Variants in SH3PXD2B observed in about 807,000 individuals in gnomAD.
The protein encoded by SH3PXD2B is SH3 and PX domains 2B, also known as SH3 and PX domain-containing protein 2B.
In SH3PXD2B, 37 loss-of-function variants were observed where a neutral mutation model predicts 73.1. The ratio of observed to expected loss-of-function variants is 0.51; its 90% CI spans 0.39 to 0.67. The LOEUF (loss-of-function observed/expected upper bound fraction) is 0.67, where lower values mean the gene tolerates loss of function less well. Ranked by LOEUF, SH3PXD2B falls within the 30% of genes least tolerant of loss-of-function variation. The pLI is 0.00. For missense variants in SH3PXD2B, 1,053 were observed against 1,197.8 expected (o/e 0.88, Z 1.78); for synonymous variants, 457 against 480.5 (o/e 0.95, Z 0.64).
intron 6 of SH3PXD2B, among the ~76,000 whole-genome samples, chr5:172,368,578 AT>A (rs1757607841): frequency 6.4e-5 from 1 of 15,744 alleles, no homozygotes; most frequent in African/African-American, 5.6e-4. Flanking sequence ...AATATGTTAT[AT>A]ATATATATAA....
At chr5:172,427,972 T>G (rs1340109679) in intron 1 of SH3PXD2B, among the ~76,000 whole-genome samples, 1 of 151,942 alleles carries the variant, frequency 6.6e-6, no homozygotes, top group Non-Finnish European at 1.5e-5. Context: ...GAGACGGGGT[T>G]TCACTATCTT....
At chr5:172,408,261 C>A (rs745830797) in intron 2 of SH3PXD2B, among the ~76,000 whole-genome samples, 3 of 148,722 alleles carry the variant, frequency 2.0e-5, no homozygotes, top group Non-Finnish European at 3.0e-5. Flanking sequence ...TATTCTTTTT[C>A]TGTTCTCAAT....
Position 172,339,177 on chromosome 5 carries a change from C to T in SH3PXD2B, c.1928G>A (p.Arg643Lys). Residue 643 changes from arginine (R) to lysine (K), a missense_variant, in exon 13 of 13, where the codon AGG becomes AAG. Arg to Lys is a conservative substitution (Grantham distance 26). This residue lies in a region of SH3PXD2B where 587 missense variants were observed against 590.7 expected (regional missense o/e 0.99). Coordinates refer to ENST00000311601, the MANE Select transcript of SH3PXD2B (RefSeq NM_001017995.3). The surrounding 1 kb of genome is among the most constrained non-coding windows in gnomAD (Gnocchi z 6.1). The stretch of plus-strand genomic sequence containing the variant: ...TTTGGGGGAAGGAGCTGGTTTTGGC[C>T]TAACCTGAGGTCTGGACTTCAAGAA... ...NPFLKSRPQVRPKPAPSPKTE... is the reference protein window; with the variant it reads ...NPFLKSRPQVKPKPAPSPKTE... 1 of 1,614,222 alleles carries T rather than the reference C, an allele frequency of 6.2e-7. No individual in the cohort carries two copies. The highest frequency in any genetic ancestry group is 8.5e-7 in the Non-Finnish European group (1 of 1,180,036).
At position 172,402,211 on chromosome 5, in the gene SH3PXD2B, C is replaced by T. The variant is rs553922309; in HGVS notation, c.232+4066G>A. 5.3e-5 allele frequency among the ~76,000 whole-genome samples: 8 copies of T among 152,262 alleles called. No individual in the cohort carries two copies. The East Asian group carries it at 1.3e-3, about 26-fold the overall frequency. On this transcript the variant is annotated intron_variant, in intron 3 of 12. Transcript: ENST00000311601. ...GGTTGTATGTAAGGGATGAAATAAG[C>T]CCCAGTCTCCTGTAGCACTCCCAGG...
At chr5:172,400,081 A>G (rs1367033448) in intron 3 of SH3PXD2B, among the ~76,000 whole-genome samples, 1 of 152,192 alleles carries the variant, frequency 6.6e-6, no homozygotes, top group Non-Finnish European at 1.5e-5. Flanking sequence ...AGTCTGGGCT[A>G]CTTATCTTCC....
At chr5:172,374,656 G>C (rs1349305920) in intron 5 of SH3PXD2B, among the ~76,000 whole-genome samples, 1 of 152,216 alleles carries the variant, frequency 6.6e-6, no homozygotes, top group East Asian at 1.9e-4. Flanking sequence ...ACTCTAGCCT[G>C]GGTGACAGAG....
rs768244453 is a variant in SH3PXD2B, at chr5:172,339,218, G to A, written c.1887C>T (p.Ala629=). 3.4e-5 allele frequency: 55 copies of A among 1,614,126 alleles called. No homozygotes were observed. The highest frequency in any genetic ancestry group is 4.6e-5 in the Non-Finnish European group (54 of 1,180,054). ...ACTTCAAGAAGGGATTCTGGGGAGTGGCATCTGGCTTCTCCTCTGGCAGGT... is the reference window on the plus strand; with the variant it reads ...ACTTCAAGAAGGGATTCTGGGGAGTAGCATCTGGCTTCTCCTCTGGCAGGT... ...KTDLPEEKPD[A]TPQNPFLKSR... The change falls in exon 13 of 13, where the codon GCC becomes GCT. Residue 629 remains alanine (A), a synonymous_variant. Transcript: ENST00000311601. This position sits in a 1 kb window ranked among gnomAD's most constrained non-coding sequence, Gnocchi z 6.1.
At chr5:172,351,852 T>C (rs1326779920) in intron 9 of SH3PXD2B, among the ~76,000 whole-genome samples, 3 of 152,136 alleles carry the variant, frequency 2.0e-5, no homozygotes, top group Admixed American at 1.3e-4. Flanking sequence ...TGTCTATCAA[T>C]CTTAAAATAT....
intron 2 of SH3PXD2B, among the ~76,000 whole-genome samples, chr5:172,420,658 C>T (rs1444384910): frequency 6.6e-6 from 1 of 152,200 alleles, no homozygotes; most frequent in African/African-American, 2.4e-5. Flanking sequence ...AGTCTCCACC[C>T]TTATTGACTT....
intron 7 of SH3PXD2B, among the ~76,000 whole-genome samples, chr5:172,361,920 T>C (rs1016338318): frequency 1.6e-4 from 25 of 152,274 alleles, no homozygotes; most frequent in African/African-American, 4.8e-4. Context: ...CCACTAATGA[T>C]AGGATTAGCT....
In SH3PXD2B at chr5:172,350,462, G is replaced by A. The variant is rs1156856878; in HGVS notation, c.913C>T (p.Arg305Trp). The change falls in exon 10 of 13, where the codon CGG (arginine) becomes TGG (tryptophan). Residue 305 changes from arginine (R) to tryptophan (W), a missense_variant. By Grantham distance (101) the Arg-to-Trp change is moderately radical. Around this residue, in one of 2 missense-constraint regions of SH3PXD2B, gnomAD observed 466 missense variants for 607.1 expected, o/e 0.77. Coordinates refer to ENST00000311601, the MANE Select transcript of SH3PXD2B (RefSeq NM_001017995.3). ...TCCCTGCCCACCGCGTTCTGCTGCC[G>A]GGAAACACCATCCAAGTCAAGGGCA... ...PGALDLDGVS[R>W]QQNAVGREKE... 23 of 1,613,986 alleles carry A rather than the reference G, an allele frequency of 1.4e-5. No individual in the cohort carries two copies. The highest frequency in any genetic ancestry group is 3.3e-5 in the South Asian group (3 of 91,090).
chr5:172,349,698 A>G (rs1757115217), intron 10 of SH3PXD2B, among the ~76,000 whole-genome samples: 1 of 152,168 alleles, frequency 6.6e-6, no homozygotes, highest in African/African-American at 2.4e-5. Context: ...AAACAGAAAA[A>G]GTAGTAATTC....
rs759595183 is a variant in SH3PXD2B at position 172,339,095 on chromosome 5, G to C, written c.2010C>G (p.Leu670=). 3.1e-6 allele frequency: 5 copies of C among 1,614,130 alleles called. No individual in the cohort carries two copies. The highest frequency in any genetic ancestry group is 2.7e-5 in the African/African-American group (2 of 74,952). The part of the protein sequence containing the change: ...QVDICNLRSK[L]RPAKSQDKSL... ...ACTTGTCTTGGGACTTGGCAGGCCT[G>C]AGCTTACTCCTGAGGTTGCAGATGT... The change falls in exon 13 of 13, where the codon CTC becomes CTG. Residue 670 remains leucine, a synonymous_variant. Transcript: ENST00000311601. The surrounding 1 kb of genome is among the most constrained non-coding windows in gnomAD (Gnocchi z 6.1).
intron 6 of SH3PXD2B, 36 bp downstream of exon 6, chr5:172,373,754 A>C: frequency 6.2e-7 from 1 of 1,604,092 alleles, no homozygotes; most frequent in Non-Finnish European, 8.5e-7. Flanking sequence ...TTTGCCGAAA[A>C]CTGAACGAAG....
chr5:172,375,888 G>A (rs1255795330), intron 5 of SH3PXD2B, among the ~76,000 whole-genome samples: 9 of 152,124 alleles, frequency 5.9e-5, no homozygotes, highest in Admixed American at 5.9e-4. Context: ...GGAATTGCTA[G>A]GTCATATGGT....
intron 6 of SH3PXD2B, among the ~76,000 whole-genome samples, chr5:172,367,729 T>C (rs989898497): frequency 1.6e-4 from 25 of 152,156 alleles, no homozygotes; most frequent in Non-Finnish European, 1.2e-4. Context: ...AGTGTGGAAT[T>C]GTGCACATGT....
intron 1 of SH3PXD2B, among the ~76,000 whole-genome samples, chr5:172,432,683 G>A (rs545668829): frequency 4.3e-4 from 66 of 152,250 alleles, no homozygotes; most frequent in Admixed American, 1.5e-3. Flanking sequence ...TTGGCAGGCC[G>A]AGGCAGATGG....
intron 1 of SH3PXD2B, among the ~76,000 whole-genome samples, chr5:172,431,744 T>A (rs1759248636): frequency 6.6e-6 from 1 of 152,166 alleles, no homozygotes; most frequent in Admixed American, 6.5e-5. Flanking sequence ...TTCTGTAAAG[T>A]CACTGAGAAC....
At chr5:172,354,548 A>C (rs1358380050) in intron 8 of SH3PXD2B, among the ~76,000 whole-genome samples, 1 of 152,178 alleles carries the variant, frequency 6.6e-6, no homozygotes, top group Non-Finnish European at 1.5e-5. Context: ...CAAGACCTGA[A>C]GGCTGGGTGG....
Sources: gnomAD v4.1 joint callset for allele counts (sites outside exome capture counted in the v4.1 genomes callset) on GRCh38, gnomAD v4.1.1 for gene constraint, gnomAD v4.1.1 regional missense constraint, Gnocchi (gnomAD v3.1) non-coding constraint, MANE v1.5 for transcripts, NCBI Gene and HGNC (gene_info 2026-07-23, HGNC 2026-07-21) for gene names.